Variants in FXR1 observed in about 807,000 individuals in gnomAD.
The protein encoded by FXR1 is FMR1 autosomal homolog 1.
Under a neutral mutation model 84.0 loss-of-function variants are expected in FXR1, and 15 were observed. That is an observed-to-expected ratio of 0.18 (90% CI 0.12 to 0.27). FXR1 has a LOEUF of 0.27. Ranked by LOEUF, FXR1 falls within the 10% of genes least tolerant of loss-of-function variation. The probability of loss-of-function intolerance (pLI) is 1.00; values close to 1 mark genes in which losing one functional copy is unlikely to be tolerated. For synonymous variants in FXR1, 245 were observed against 250.7 expected, an observed-to-expected ratio of 0.98 and a Z score of 0.21; for missense variants, 480 against 774.4, an observed-to-expected ratio of 0.62 and a Z score of 4.51.
intron 15 of FXR1, among the ~76,000 whole-genome samples, chr3:180,974,867 A>G (rs1048051621): frequency 2.6e-5 from 4 of 152,114 alleles, no homozygotes; most frequent in African/African-American, 9.7e-5. Flanking sequence ...ATTTGAGTAA[A>G]TATTTTTGTA....
Position 180,949,347 on chromosome 3 carries a change from A to C in FXR1, c.630+4A>C. The C allele has an allele frequency of 7.6e-7, 1 of 1,309,482 alleles. No individual in the cohort carries two copies. Among genetic ancestry groups the C allele is most frequent in the Non-Finnish European group, 1.1e-6 (1 of 901,542 alleles). 81.1% of individuals were successfully genotyped at this position (1,309,482 alleles called of 1,614,324 possible). Reference sequence around the variant, plus strand: ...AGAGGCCACTAAGCATTTAGAAGTAAGTGGGTTTACTTACAAAAGAGTTTT... The same window carrying C: ...AGAGGCCACTAAGCATTTAGAAGTACGTGGGTTTACTTACAAAAGAGTTTT... On this transcript the variant is annotated splice_donor_region_variant and intron_variant, in intron 7 of 16. Transcript: ENST00000357559.
chr3:180,915,177 AGTTAAT>A lies in FXR1; in HGVS notation c.51+2448_51+2453del, dbSNP rs370620847. On this transcript the variant is annotated intron_variant, in intron 1 of 16. Transcript: ENST00000357559. The stretch of plus-strand genomic sequence containing the variant: ...TGCTTTTTATTCATTAGAATGTAAA[AGTTAAT>A]GTTAATTTACATACAGTAAAATAAG... 2.5e-3 allele frequency among the ~76,000 whole-genome samples: 381 copies of A among 152,342 alleles called. 1 individual carries two copies. Among genetic ancestry groups the A allele is most frequent in the African/African-American group, 8.8e-3 (367 of 41,586 alleles).
chr3:180,945,423 T>C (rs954683147), intron 3 of FXR1, among the ~76,000 whole-genome samples: 1 of 152,202 alleles, frequency 6.6e-6, no homozygotes, highest in African/African-American at 2.4e-5. Context: ...TTTTTCCCCC[T>C]GGACAGGGTC....
At chr3:180,937,685 G>A (rs1193348567) in intron 3 of FXR1, among the ~76,000 whole-genome samples, 1 of 151,814 alleles carries the variant, frequency 6.6e-6, no homozygotes, top group African/African-American at 2.4e-5. Flanking sequence ...ATAGGATTTT[G>A]TTTTTTTGTC....
intron 3 of FXR1, among the ~76,000 whole-genome samples, chr3:180,947,622 A>T (rs1412215609): frequency 6.6e-6 from 1 of 152,236 alleles, no homozygotes; most frequent in African/African-American, 2.4e-5. Context: ...ACTTATGTTT[A>T]GTAAACCTCA....
At chr3:180,938,771 C>T (rs1185972186) in intron 3 of FXR1, among the ~76,000 whole-genome samples, 5 of 152,210 alleles carry the variant, frequency 3.3e-5, no homozygotes, top group African/African-American at 9.6e-5. Flanking sequence ...TGGTCTCAAA[C>T]TCCCGACCTC....
intron 1 of FXR1, among the ~76,000 whole-genome samples, chr3:180,921,229 A>G (rs1718550421): frequency 6.6e-6 from 1 of 151,974 alleles, no homozygotes; most frequent in African/African-American, 2.4e-5. Context: ...TTAGCAGGGC[A>G]TGGTGGCTGG....
chr3:180,913,373 C>T (rs1221658625), intron 1 of FXR1, among the ~76,000 whole-genome samples: 1 of 152,126 alleles, frequency 6.6e-6, no homozygotes, highest in African/African-American at 2.4e-5. Context: ...AATTGGGCGG[C>T]GCCTTAGCCC....
intron 10 of FXR1, among the ~76,000 whole-genome samples, chr3:180,959,716 T>C (rs1189586552): frequency 6.6e-6 from 1 of 151,748 alleles, no homozygotes; most frequent in African/African-American, 2.4e-5. Flanking sequence ...TTAAGACTTC[T>C]TCACTCCCTA....
intron 13 of FXR1, 100 bp downstream of exon 13, chr3:180,963,190 G>A (rs1254304647): frequency 3.2e-6 from 2 of 615,962 alleles, no homozygotes; most frequent in Non-Finnish European, 5.7e-6. Context: ...TCATTACTCT[G>A]TCTTGGCTTT....
In FXR1 at chr3:180,981,679, C is replaced by G. The variant is rs1714616718; in HGVS notation, c.*5387C>G. 6.6e-6 allele frequency: 1 copy of G among 151,954 alleles called. No individual in the cohort carries two copies. Among genetic ancestry groups the G allele is most frequent in the South Asian group, 2.1e-4 (1 of 4,830 alleles). The allele number at this position is 151,954 out of a possible 1,614,324, so 9.4% of individuals were successfully genotyped here. ...ATGAACAGCAAATTGGAGAAGACACCAAGGACCTAATTTTAGTTTCACTAG... is the reference window on the plus strand; with the variant it reads ...ATGAACAGCAAATTGGAGAAGACACGAAGGACCTAATTTTAGTTTCACTAG... On this transcript the variant is annotated 3_prime_UTR_variant, in exon 17 of 17. Transcript: ENST00000357559.
chr3:180,977,593 A>G lies in FXR1; in HGVS notation c.*1301A>G, dbSNP rs960028559. The G allele has an allele frequency of 6.6e-6, 1 of 152,152 alleles. No homozygotes were observed. Among genetic ancestry groups the G allele is most frequent in the Admixed American group, 6.5e-5 (1 of 15,274 alleles). 9.4% of individuals were successfully genotyped at this position (152,152 alleles called of 1,614,324 possible). On this transcript the variant is annotated 3_prime_UTR_variant, in exon 17 of 17. Transcript: ENST00000357559. ...GCCAGAGCTTAATTTTTATGAAGAT[A>G]AAGACATGAAGTTTAACAATGGACA...
Position 180,962,870 on chromosome 3 carries a change from G to A in FXR1, c.1078-13G>A. On this transcript the variant is annotated splice_polypyrimidine_tract_variant and intron_variant, in intron 11 of 16. Transcript: ENST00000357559. ...TATATAAGAAGACTTACTCTTTTTT[G>A]TTTTGATTGTAGGAAGTAGAACAGC... 6.4e-7 allele frequency: 1 copy of A among 1,568,522 alleles called. No individual in the cohort carries two copies. The highest frequency in any genetic ancestry group is 8.7e-7 in the Non-Finnish European group (1 of 1,145,832).
rs543483252 is a variant in FXR1, at chr3:180,966,441, A to C, written c.1199-1610A>C. On this transcript the variant is annotated intron_variant, in intron 13 of 16. Coordinates refer to ENST00000357559, the MANE Select transcript of FXR1 (RefSeq NM_005087.4). ...TTTTATTCCCTGCACCTTAATACTT[A>C]AAACTTCTTATGTCTGAAGAGCTCT... is the stretch of plus-strand genomic sequence containing the variant. Among the ~76,000 whole-genome samples the C allele has an allele frequency of 3.3e-5, 5 of 152,344 alleles. No homozygotes were observed. The South Asian group carries it at 1.0e-3, about 32-fold the overall frequency.
intron 15 of FXR1, among the ~76,000 whole-genome samples, chr3:180,973,738 C>G (rs987120342): frequency 1.6e-4 from 24 of 152,134 alleles, no homozygotes; most frequent in African/African-American, 5.3e-4. Context: ...TAGTGGTTTT[C>G]TAGTAAATGA....
chr3:180,979,824 T>A lies in FXR1; in HGVS notation c.*3532T>A, dbSNP rs1714526778. 1 of 152,058 alleles carries A rather than the reference T, an allele frequency of 6.6e-6. No individual in the cohort carries two copies. The highest frequency in any genetic ancestry group is 2.4e-5 in the African/African-American group (1 of 41,442). 9.4% of individuals were successfully genotyped at this position (152,058 alleles called of 1,614,324 possible). On this transcript the variant is annotated 3_prime_UTR_variant, in exon 17 of 17. Coordinates refer to ENST00000357559, the MANE Select transcript of FXR1 (RefSeq NM_005087.4). ...TCTTATGGTTCAGTCTAATTACAAA[T>A]TTTTAAAAAGTTTATCAGTGTATCA...
chr3:180,973,501 T>C (rs1039639114), intron 15 of FXR1, among the ~76,000 whole-genome samples: 2 of 152,244 alleles, frequency 1.3e-5, no homozygotes, highest in Non-Finnish European at 1.5e-5. Flanking sequence ...TTCACTATGC[T>C]GTTCCCCACA....
intron 1 of FXR1, among the ~76,000 whole-genome samples, chr3:180,917,370 T>G (rs1319877431): frequency 6.6e-6 from 1 of 152,192 alleles, no homozygotes; most frequent in Non-Finnish European, 1.5e-5. Flanking sequence ...ATCTTGTTAG[T>G]TGGTTTCATT....
intron 1 of FXR1, among the ~76,000 whole-genome samples, chr3:180,929,785 A>G (rs1719666281): frequency 6.6e-6 from 1 of 152,230 alleles, no homozygotes; most frequent in African/African-American, 2.4e-5. Flanking sequence ...TCCTGTGTCA[A>G]GTGGACTAAA....
Sources: gnomAD v4.1 joint callset for allele counts (sites outside exome capture counted in the v4.1 genomes callset) on GRCh38, gnomAD v4.1.1 for gene constraint, MANE v1.5 for transcripts, NCBI Gene and HGNC (gene_info 2026-07-23, HGNC 2026-07-21) for gene names.